Variants in FUT9 observed in about 807,000 individuals in gnomAD.
FUT9 encodes 4-galactosyl-N-acetylglucosaminide 3-alpha-L-fucosyltransferase 9.
FUT9 carries 15 observed loss-of-function variants against 29.7 expected under a neutral mutation model. The observed-to-expected ratio is 0.51, with a 90% confidence interval of 0.34 to 0.78. The LOEUF (loss-of-function observed/expected upper bound fraction) is 0.78, where lower values mean the gene tolerates loss of function less well. Ranked by LOEUF, FUT9 falls within the 30% of genes least tolerant of loss-of-function variation. The probability of loss-of-function intolerance (pLI) is 0.01; values close to 1 mark genes in which losing one functional copy is unlikely to be tolerated. For synonymous variants in FUT9, 169 were observed against 153.7 expected (o/e 1.10, Z -0.74); for missense variants, 319 against 425.4 (o/e 0.75, Z 2.20).
chr6:96,129,292 AC>A (rs1265789799), intron 2 of FUT9, among the ~76,000 whole-genome samples: 104 of 5,450 alleles, frequency 0.019, 7 homozygotes, highest in Middle Eastern at 0.25. Flanking sequence ...AAAAAAAAAA[AC>A]AAACAACCAG....
chr6:96,142,003 T>C (rs1040407463), intron 2 of FUT9, among the ~76,000 whole-genome samples: 1 of 152,248 alleles, frequency 6.6e-6, no homozygotes. Context: ...ATAAAATATG[T>C]GTATATTGGT....
chr6:96,196,819 A>G (rs4840242), intron 2 of FUT9, among the ~76,000 whole-genome samples: 139,267 of 152,228 alleles, frequency 0.91, 64,991 homozygotes, highest in Non-Finnish European at 1. Context: ...GTAAGAGGCA[A>G]GATCTTCTCT....
intron 2 of FUT9, among the ~76,000 whole-genome samples, chr6:96,171,814 C>G (rs563439851): frequency 4.9e-4 from 74 of 152,236 alleles, no homozygotes; most frequent in African/African-American, 1.7e-3. Flanking sequence ...CATCCTAACC[C>G]TAACCCTTAA....
chr6:96,077,483 A>G (rs1475261742), intron 1 of FUT9, among the ~76,000 whole-genome samples: 1 of 151,940 alleles, frequency 6.6e-6, no homozygotes, highest in Non-Finnish European at 1.5e-5. Flanking sequence ...TTTTAATGTA[A>G]TTTTTAAAAA....
intron 2 of FUT9, among the ~76,000 whole-genome samples, chr6:96,177,245 C>A (rs984868193): frequency 6.6e-6 from 1 of 152,118 alleles, no homozygotes; most frequent in Non-Finnish European, 1.5e-5. Flanking sequence ...AAATTACAGT[C>A]TTCTTTCTCT....
Position 96,214,852 on chromosome 6 carries a change from G to C in FUT9, c.*10617G>C, listed in dbSNP as rs913862520. 6.0e-6 allele frequency: 1 copy of C among 166,908 alleles called. No individual in the cohort carries two copies. Among genetic ancestry groups the C allele is most frequent in the Admixed American group, 6.6e-5 (1 of 15,256 alleles). 10.3% of individuals were successfully genotyped at this position (166,908 alleles called of 1,614,324 possible). A position where few individuals can be genotyped will look rare whatever the true frequency, so the allele number is the denominator to read the frequency against. ...TTTATTTATTTATTTACAGAAGATT[G>C]GTTCCTTCCAGTTCAATTTAACAGC... On this transcript the variant is annotated 3_prime_UTR_variant, in exon 3 of 3. Transcript: ENST00000302103.
At chr6:96,123,922 T>C (rs930599849) in intron 2 of FUT9, among the ~76,000 whole-genome samples, 8 of 151,652 alleles carry the variant, frequency 5.3e-5, no homozygotes, top group African/African-American at 1.7e-4. Flanking sequence ...AGAAATACTG[T>C]GTCAGTATCC....
chr6:96,129,029 G>A (rs1772184460), intron 2 of FUT9, among the ~76,000 whole-genome samples: 1 of 151,248 alleles, frequency 6.6e-6, no homozygotes, highest in African/African-American at 2.4e-5. Flanking sequence ...AGGCCGAGGC[G>A]GGCGGATCAC....
chr6:96,077,598 T>C (rs1771160191), intron 1 of FUT9, among the ~76,000 whole-genome samples: 1 of 152,188 alleles, frequency 6.6e-6, no homozygotes, highest in Admixed American at 6.5e-5. Context: ...GATTGTTCTT[T>C]AGTCTCAGCA....
intron 2 of FUT9, among the ~76,000 whole-genome samples, chr6:96,131,646 A>T (rs891710469): frequency 1.3e-5 from 2 of 152,176 alleles, no homozygotes; most frequent in Non-Finnish European, 2.9e-5. Flanking sequence ...GCTTTAGGGA[A>T]TCCCAGCTTC....
intron 2 of FUT9, among the ~76,000 whole-genome samples, chr6:96,136,680 A>G (rs1376350103): frequency 3.9e-5 from 6 of 151,944 alleles, no homozygotes; most frequent in Non-Finnish European, 7.4e-5. Context: ...ATGTTATCAC[A>G]ATGCTTTTTA....
intron 1 of FUT9, among the ~76,000 whole-genome samples, chr6:96,100,462 T>G (rs544651461): frequency 3.5e-4 from 53 of 152,340 alleles, no homozygotes; most frequent in African/African-American, 1.0e-3. Flanking sequence ...TACAGAGGAT[T>G]TAAAGATGAA....
In FUT9 at chr6:96,201,291, C is replaced by T. The variant is rs575131366; in HGVS notation, c.-8-1857C>T. Among the ~76,000 whole-genome samples, 159 of 151,998 alleles carry T rather than the reference C, an allele frequency of 1.0e-3. 1 individual carries two copies. Among genetic ancestry groups the T allele is most frequent in the African/African-American group, 3.6e-3 (150 of 41,552 alleles). On this transcript the variant is annotated intron_variant, in intron 2 of 2. Coordinates refer to ENST00000302103, the MANE Select transcript of FUT9 (RefSeq NM_006581.4). ...TTTAGTCATATTTCAAATTTTTCAA[C>T]ATAAAATTACTCAAAATAGTTACTT...
chr6:96,048,247 C>T (rs1411096211), intron 1 of FUT9, among the ~76,000 whole-genome samples: 2 of 152,196 alleles, frequency 1.3e-5, no homozygotes, highest in African/African-American at 2.4e-5. Context: ...TCTGCAAAGT[C>T]TCTTTAGCCA....
intron 2 of FUT9, among the ~76,000 whole-genome samples, chr6:96,137,191 G>A (rs1267657034): frequency 6.6e-6 from 1 of 151,838 alleles, no homozygotes; most frequent in Admixed American, 6.6e-5. Flanking sequence ...GCAAAAGAAT[G>A]GGAGCCTACC....
At chr6:96,077,727 A>G (rs1771162558) in intron 1 of FUT9, among the ~76,000 whole-genome samples, 1 of 152,218 alleles carries the variant, frequency 6.6e-6, no homozygotes, top group Admixed American at 6.5e-5. Flanking sequence ...ATAACGTCTG[A>G]AAGAACACAT....
chr6:96,191,096 C>T (rs2127988697), intron 2 of FUT9, among the ~76,000 whole-genome samples: 1 of 152,158 alleles, frequency 6.6e-6, no homozygotes, highest in South Asian at 2.1e-4. Flanking sequence ...GTGTGGATGT[C>T]CTTTCTGTTC....
chr6:96,144,636 T>C (rs899079042), intron 2 of FUT9, among the ~76,000 whole-genome samples: 1 of 152,104 alleles, frequency 6.6e-6, no homozygotes, highest in African/African-American at 2.4e-5. Context: ...AGATTCCAAA[T>C]GGGAGGAGGC....
At chr6:96,077,735 C>T (rs528659631) in intron 1 of FUT9, among the ~76,000 whole-genome samples, 2 of 152,300 alleles carry the variant, frequency 1.3e-5, no homozygotes, top group African/African-American at 2.4e-5. Flanking sequence ...TGAAAGAACA[C>T]ATGAAAATAC....
Sources: allele counts gnomAD v4.1 joint callset (sites outside exome capture counted in the v4.1 genomes callset), GRCh38; gene constraint gnomAD v4.1.1; transcripts MANE v1.5; gene names NCBI Gene and HGNC (gene_info 2026-07-23, HGNC 2026-07-21).